The following TNNI3 variants were observed in gnomAD, a reference collection of about 807,000 sequenced individuals.
TNNI3 encodes the protein troponin I, cardiac muscle.
In TNNI3, 23 loss-of-function variants were observed where a neutral mutation model predicts 31.5. That is an observed-to-expected ratio of 0.73 (90% confidence interval 0.52 to 1.03). The LOEUF (loss-of-function observed/expected upper bound fraction) is 1.03. TNNI3 is among the 50% of genes least tolerant of loss of function. The pLI is 0.00. For synonymous variants in TNNI3, 120 were observed against 111.7 expected (o/e 1.07, Z -0.47); for missense variants, 236 against 282.9 (o/e 0.83, Z 1.19).
At chr19:55,153,400 G>T (rs2085705461) in intron 7 of TNNI3, among the ~76,000 whole-genome samples, 1 of 151,514 alleles carries the variant, frequency 6.6e-6, no homozygotes, top group African/African-American at 2.4e-5. Context: ...TTTAAGATAG[G>T]GTCTCACTGT....
Position 55,157,442 on chromosome 19 carries a change from C to T in TNNI3, c.12-134G>A. The T allele has an allele frequency of 1.9e-6, 3 of 1,579,048 alleles. No individual in the cohort carries two copies. Among genetic ancestry groups the T allele is most frequent in the African/African-American group, 1.3e-5 (1 of 74,282 alleles). ...TTCCTTGGGTTCCAGGAGTCTGACT[C>T]GCAAACCCACTTCCTCTCTTCACCC... is the stretch of plus-strand genomic sequence containing the variant. On this transcript the variant is annotated intron_variant, in intron 1 of 7. Coordinates refer to ENST00000344887, the MANE Select transcript of TNNI3 (RefSeq NM_000363.5). The surrounding 1 kb of genome is among the most constrained non-coding windows in gnomAD (Gnocchi z 6.3).
Position 55,156,632 on chromosome 19 carries a change from T to C in TNNI3, c.121A>G (p.Ile41Val). 1 of 1,565,222 alleles carries C rather than the reference T, an allele frequency of 6.4e-7. No individual in the cohort carries two copies. Among genetic ancestry groups the C allele is most frequent in the East Asian group, 2.4e-5 (1 of 42,496 alleles). The part of the protein sequence containing the change: ...TEPHAKKKSK[I>V]SASRKLQLKT... ...AGCTGCAATTTTCTCGAGGCGGAGA[T>C]CTTAGATTTTTTCTGCCAGGGTGAG... Residue 41 changes from isoleucine (I) to valine (V), a missense_variant, in exon 4 of 8, where the codon ATC becomes GTC. Physicochemically the swap from Ile to Val is conservative, Grantham distance 29. Transcript: ENST00000344887. The surrounding 1 kb of genome is among the most constrained non-coding windows in gnomAD (Gnocchi z 4.6).
At chr19:55,154,429 T>G in intron 6 of TNNI3, 1 of 629,596 alleles carries the variant, frequency 1.6e-6, no homozygotes, top group East Asian at 2.7e-5. Context: ...CATAACCTGG[T>G]CCAGCTACAT....
intron 7 of TNNI3, among the ~76,000 whole-genome samples, chr19:55,153,128 C>G (rs1395021781): frequency 1.3e-5 from 2 of 152,046 alleles, no homozygotes; most frequent in Non-Finnish European, 2.9e-5. Flanking sequence ...GACATGGTCT[C>G]GCCATGTTGC....
Position 55,154,040 on chromosome 19 carries a change from TC to T in TNNI3, c.538del (p.Asp180ThrfsTer19), listed in dbSNP as rs876658023. ...TTAGCCCACACTCACCTTCTCGGTG[TC>T]CTCCTTCTTCACCTGCTTGAGGTGG... is the stretch of plus-strand genomic sequence containing the variant. ...RAHLKQVKKE[D>X]TEKENREVGD... On this transcript the variant is annotated frameshift_variant, in exon 7 of 8. Coordinates refer to ENST00000344887, the MANE Select transcript of TNNI3 (RefSeq NM_000363.5). LOFTEE classifies it high-confidence loss of function. The T allele has an allele frequency of 1.2e-6, 2 of 1,611,700 alleles. No homozygotes were observed. The highest frequency in any genetic ancestry group is 1.7e-6 in the Non-Finnish European group (2 of 1,179,936).
Position 55,156,093 on chromosome 19 carries a change from T to C in TNNI3, c.282+108A>G. 2 of 1,542,096 alleles carry C rather than the reference T, an allele frequency of 1.3e-6. No homozygotes were observed. The highest frequency in any genetic ancestry group is 1.8e-6 in the Non-Finnish European group (2 of 1,119,714). The stretch of plus-strand genomic sequence containing the variant: ...AGGAGTCCCACGAACCATATATAAT[T>C]GGGTAAGGACAGCCATATTGGACGC... On this transcript the variant is annotated intron_variant, in intron 5 of 7. Transcript: ENST00000344887. The surrounding 1 kb of genome is among the most constrained non-coding windows in gnomAD (Gnocchi z 4.6).
intron 6 of TNNI3, chr19:55,154,412 C>T (rs1476185834): frequency 3.1e-6 from 2 of 647,326 alleles, no homozygotes; most frequent in Non-Finnish European, 5.4e-6. Flanking sequence ...CCTCTCAAAA[C>T]CACTGGCATA....
Position 55,152,201 on chromosome 19 carries a change from C to T in TNNI3, c.550-284G>A, listed in dbSNP as rs1365600657. Among the ~76,000 whole-genome samples the T allele has an allele frequency of 6.6e-6, 1 of 151,948 alleles. No individual in the cohort carries two copies. Among genetic ancestry groups the T allele is most frequent in the Non-Finnish European group, 1.5e-5 (1 of 68,008 alleles). Reference sequence around the variant, plus strand: ...TCTTTCCCCATCCACTTCCTGTCTCCCTCATGCACTTCCTGTCTTTCCCCT... The same window carrying T: ...TCTTTCCCCATCCACTTCCTGTCTCTCTCATGCACTTCCTGTCTTTCCCCT... On this transcript the variant is annotated intron_variant, in intron 7 of 7. Transcript: ENST00000344887. The surrounding 1 kb of genome is among the most constrained non-coding windows in gnomAD (Gnocchi z 4.0).
In TNNI3 at chr19:55,156,765, T is replaced by A; in HGVS notation, c.109-121A>T. On this transcript the variant is annotated intron_variant, in intron 3 of 7. Transcript: ENST00000344887. This position sits in a 1 kb window ranked among gnomAD's most constrained non-coding sequence, Gnocchi z 4.6. ...TCCAGATTTGGGCCCACGTCCAACT[T>A]GAGCCCTGAGTCTACGGGAGGCCAC... 1 of 1,156,914 alleles carries A rather than the reference T, an allele frequency of 8.6e-7. No homozygotes were observed. Among genetic ancestry groups the A allele is most frequent in the Non-Finnish European group, 1.3e-6 (1 of 788,848 alleles). The allele number at this position is 1,156,914 out of a possible 1,614,324, so 71.7% of individuals were successfully genotyped here. A position where few individuals can be genotyped will look rare whatever the true frequency, so the allele number is the denominator to read the frequency against.
chr19:55,151,951 T>A (rs1459366370), intron 7 of TNNI3, 34 bp from the exon 8 acceptor site: 7 of 1,596,228 alleles, frequency 4.4e-6, no homozygotes, highest in Non-Finnish European at 6.0e-6. Context: ...GGTTAGGGTC[T>A]CTTCTTGGTC....
chr19:55,156,982 T>C lies in TNNI3; in HGVS notation c.108+68A>G. 6.7e-7 allele frequency: 1 copy of C among 1,498,212 alleles called. No individual in the cohort carries two copies. Among genetic ancestry groups the C allele is most frequent in the African/African-American group, 1.4e-5 (1 of 72,460 alleles). The allele number at this position is 1,498,212 out of a possible 1,614,324, so 92.8% of individuals were successfully genotyped here. A position where few individuals can be genotyped will look rare whatever the true frequency, so the allele number is the denominator to read the frequency against. On this transcript the variant is annotated intron_variant, in intron 3 of 7. Transcript: ENST00000344887. The surrounding 1 kb of genome is among the most constrained non-coding windows in gnomAD (Gnocchi z 4.6). Reference sequence around the variant, plus strand: ...CCGCCCCCTTCGCAGCCCTGGCTCCTCCCCCCACTCCCAGGGTCTTGGATC... The same window carrying C: ...CCGCCCCCTTCGCAGCCCTGGCTCCCCCCCCCACTCCCAGGGTCTTGGATC...
intron 6 of TNNI3, chr19:55,154,483 C>T (rs1407943304): frequency 6.4e-6 from 4 of 620,630 alleles, no homozygotes; most frequent in Non-Finnish European, 2.9e-6. Flanking sequence ...AATTTACCAA[C>T]ATGTGATGCC....
Position 55,152,079 on chromosome 19 carries a change from T to C in TNNI3, c.550-162A>G, listed in dbSNP as rs2085698455. On this transcript the variant is annotated intron_variant, in intron 7 of 7. Coordinates refer to ENST00000344887, the MANE Select transcript of TNNI3 (RefSeq NM_000363.5). This position sits in a 1 kb window ranked among gnomAD's most constrained non-coding sequence, Gnocchi z 4.0. ...TTTTCAAGATAATCCCTGCCAATTT[T>C]CCCCATGCACTTCCTGTCTCCCTCA... Among the ~76,000 whole-genome samples the C allele has an allele frequency of 6.6e-6, 1 of 152,048 alleles. No individual in the cohort carries two copies. Among genetic ancestry groups the C allele is most frequent in the Non-Finnish European group, 1.5e-5 (1 of 68,002 alleles).
In TNNI3 at chr19:55,156,064, G is replaced by A. The variant is rs2085727050; in HGVS notation, c.282+137C>T. 6.0e-6 allele frequency: 8 copies of A among 1,323,556 alleles called. 1 individual carries two copies. The African/African-American group carries it at 8.7e-5, about 14-fold the overall frequency. The allele number at this position is 1,323,556 out of a possible 1,614,324, so 82.0% of individuals were successfully genotyped here. A position where few individuals can be genotyped will look rare whatever the true frequency, so the allele number is the denominator to read the frequency against. ...AGACCTGCACACAAAGGGTGTTAGG[G>A]GCCAGGAGTCCCACGAACCATATAT... On this transcript the variant is annotated intron_variant, in intron 5 of 7. Coordinates refer to ENST00000344887, the MANE Select transcript of TNNI3 (RefSeq NM_000363.5). This position sits in a 1 kb window ranked among gnomAD's most constrained non-coding sequence, Gnocchi z 4.6.
intron 7 of TNNI3, 85 bp downstream of exon 7, chr19:55,153,945 C>G: frequency 6.6e-7 from 1 of 1,516,708 alleles, no homozygotes; most frequent in Non-Finnish European, 9.1e-7. Context: ...CAACTCCAAG[C>G]ACCATCTGCC....
rs200398906 is a variant in TNNI3, at chr19:55,157,529, G to C, written c.11+50C>G. 3.3e-5 allele frequency: 53 copies of C among 1,611,332 alleles called. No individual in the cohort carries two copies. In the African/African-American group the frequency reaches 6.5e-4, roughly 20 times the overall value. ...AGCCTCTCAGCTGCGACCCCTCTTGGGAACCCGGGAGGTCGCCCCCAACTC... is the reference window on the plus strand; with the variant it reads ...AGCCTCTCAGCTGCGACCCCTCTTGCGAACCCGGGAGGTCGCCCCCAACTC... On this transcript the variant is annotated intron_variant, in intron 1 of 7. Transcript: ENST00000344887. This position sits in a 1 kb window ranked among gnomAD's most constrained non-coding sequence, Gnocchi z 6.3.
Position 55,156,453 on chromosome 19 carries a change from TC to T in TNNI3, c.151-122del. On this transcript the variant is annotated intron_variant, in intron 4 of 7. Transcript: ENST00000344887. This position sits in a 1 kb window ranked among gnomAD's most constrained non-coding sequence, Gnocchi z 4.6. ...TGGTCTCCACTGTTCCAAGGCCCCGTCCCACCCCGAGCAGTACTCCCCGCTA... is the reference window on the plus strand; with the variant it reads ...TGGTCTCCACTGTTCCAAGGCCCCGTCCACCCCGAGCAGTACTCCCCGCTA... 1 of 1,507,028 alleles carries T rather than the reference TC, an allele frequency of 6.6e-7. No individual in the cohort carries two copies. 93.4% of individuals were successfully genotyped at this position (1,507,028 alleles called of 1,614,324 possible).
At chr19:55,154,257 C>CA in intron 6 of TNNI3, 51 bp from the exon 7 acceptor site, 1 of 1,567,888 alleles carries the variant, frequency 6.4e-7, no homozygotes, top group Admixed American at 1.7e-5. Flanking sequence ...CCCGCACACC[C>CA]AACTCCTCCA....
rs201928445 is a variant in TNNI3, at chr19:55,157,066, G to A, written c.92C>T (p.Thr31Met). The A allele has an allele frequency of 1.2e-5, 19 of 1,597,456 alleles. No homozygotes were observed. Among genetic ancestry groups the A allele is most frequent in the Non-Finnish European group, 1.4e-5 (17 of 1,174,564 alleles). ...RRSSNYRAYA[T>M]EPHAKKKSKI... ...CCGTCCCACCTTGGCGTGCGGCTCC[G>A]TGGCATAAGCGCGGTAGTTGGAGGA... is the stretch of plus-strand genomic sequence containing the variant. Residue 31 changes from threonine (T) to methionine (M), a missense_variant, in exon 3 of 8, where the codon ACG becomes ATG. Transcript: ENST00000344887. This position sits in a 1 kb window ranked among gnomAD's most constrained non-coding sequence, Gnocchi z 6.3.
Sources: allele counts gnomAD v4.1 joint callset (sites outside exome capture counted in the v4.1 genomes callset), GRCh38; gene constraint gnomAD v4.1.1; non-coding constraint Gnocchi (gnomAD v3.1); transcripts MANE v1.5; gene names NCBI Gene and HGNC (gene_info 2026-07-23, HGNC 2026-07-21).